Variants in ZNF527 observed in about 807,000 individuals in gnomAD.
The protein encoded by ZNF527 is zinc finger protein 527.
In ZNF527, 5 loss-of-function variants were observed where a neutral mutation model predicts 13.5. That is an observed-to-expected ratio of 0.37 (90% confidence interval 0.19 to 0.78). The LOEUF (loss-of-function observed/expected upper bound fraction) is 0.78. Among genes scored for constraint, ZNF527 ranks in the 30% least tolerant of loss-of-function variants. The pLI is 0.48. For missense variants in ZNF527, 628 were observed against 726.4 expected (o/e 0.86, Z 1.56); for synonymous variants, 209 against 243.1 (o/e 0.86, Z 1.30).
chr19:37,383,531 C>A (rs987146750), intron 4 of ZNF527, among the ~76,000 whole-genome samples: 1 of 150,876 alleles, frequency 6.6e-6, no homozygotes, highest in South Asian at 2.1e-4. Context: ...AGCTACCACA[C>A]CCAGCTGATT....
intron 1 of ZNF527, among the ~76,000 whole-genome samples, chr19:37,373,382 C>A (rs1462029736): frequency 2.0e-5 from 3 of 152,200 alleles, no homozygotes; most frequent in African/African-American, 7.2e-5. Context: ...TTGCCCAACA[C>A]AGCATGAGTT....
intron 3 of ZNF527, chr19:37,380,069 G>T (rs1161165112): frequency 1.1e-6 from 1 of 942,564 alleles, no homozygotes; most frequent in East Asian, 3.3e-5. Flanking sequence ...AGCTGCTGTA[G>T]CACTTTGAGA....
rs376359532 is a variant in ZNF527, at chr19:37,389,787, A to G, written c.1738A>G (p.Lys580Glu). The G allele has an allele frequency of 8.2e-5, 133 of 1,613,402 alleles. No homozygotes were observed. Among genetic ancestry groups the G allele is most frequent in the Non-Finnish European group, 1.1e-4 (126 of 1,180,020 alleles). Residue 580 changes from lysine to glutamate, a missense_variant, in exon 5 of 5, where the codon AAA (lysine) becomes GAA (glutamate). Physicochemically the swap from Lys to Glu is moderately conservative, Grantham distance 56. This residue lies in a region of ZNF527 where 592 missense variants were observed against 678.0 expected (regional missense o/e 0.87). Transcript: ENST00000436120. The part of the protein sequence containing the change: ...RLHQRIHAGE[K>E]PYKCNECGNN... ...ACACCAGAGAATTCACGCTGGAGAA[A>G]AACCTTATAAATGTAACGAATGTGG...
intron 1 of ZNF527, among the ~76,000 whole-genome samples, chr19:37,371,487 G>A (rs762079299): frequency 2.6e-5 from 4 of 152,202 alleles, no homozygotes; most frequent in Non-Finnish European, 5.9e-5. Flanking sequence ...ATGTGTGTTT[G>A]TGTGTGACTG....
At chr19:37,386,522 T>C (rs1459425625) in intron 4 of ZNF527, among the ~76,000 whole-genome samples, 1 of 152,214 alleles carries the variant, frequency 6.6e-6, no homozygotes, top group African/African-American at 2.4e-5. Context: ...CATTTAGCTT[T>C]GAGTGCATAA....
At chr19:37,375,246 CTTTCTTT>C (rs2040589800) in intron 2 of ZNF527, among the ~76,000 whole-genome samples, 1 of 44,960 alleles carries the variant, frequency 2.2e-5, no homozygotes, top group African/African-American at 1.1e-4. Flanking sequence ...AGTGTATTTT[CTTTCTTT>C]CTTTCTTTCT....
At chr19:37,382,342 C>T (rs1194468092) in intron 4 of ZNF527, among the ~76,000 whole-genome samples, 1 of 152,022 alleles carries the variant, frequency 6.6e-6, no homozygotes, top group Non-Finnish European at 1.5e-5. Flanking sequence ...TTTACACACA[C>T]ACCCCTATAT....
At chr19:37,380,133 C>T in intron 3 of ZNF527, 144 bp from the exon 4 acceptor site, 2 of 1,406,824 alleles carry the variant, frequency 1.4e-6, no homozygotes, top group Non-Finnish European at 1.9e-6. Context: ...AAGCGTCATT[C>T]CATTCTCTAG....
intron 2 of ZNF527, among the ~76,000 whole-genome samples, chr19:37,375,306 C>G (rs992453765): frequency 9.9e-5 from 10 of 100,664 alleles, no homozygotes; most frequent in African/African-American, 3.5e-4. Flanking sequence ...TTCTTTCTTT[C>G]TTTCTTTTCT....
rs974071780 is a variant in ZNF527 at position 37,391,658 on chromosome 19, A to T, written c.*1779A>T. ...ATGGATAACTTCTTTGCAGCTAGAG[A>T]TATCAAACAAAGATATTGCTGGCAG... On this transcript the variant is annotated 3_prime_UTR_variant, in exon 5 of 5. Coordinates refer to ENST00000436120, the MANE Select transcript of ZNF527 (RefSeq NM_032453.2). 4 of 152,158 alleles carry T rather than the reference A, an allele frequency of 2.6e-5. No individual in the cohort carries two copies. Among genetic ancestry groups the T allele is most frequent in the African/African-American group, 9.6e-5 (4 of 41,452 alleles). The allele number at this position is 152,158 out of a possible 1,614,324, so 9.4% of individuals were successfully genotyped here. A position where few individuals can be genotyped will look rare whatever the true frequency, so the allele number is the denominator to read the frequency against.
At position 37,375,303 on chromosome 19, in the gene ZNF527, TTTCTTTCTTTTC is replaced by T. The variant is rs1221627589; in HGVS notation, c.33+1075_33+1086del. Among the ~76,000 whole-genome samples, 759 of 104,384 alleles carry T rather than the reference TTTCTTTCTTTTC, an allele frequency of 7.3e-3. 4 individuals are homozygous for T. The highest frequency in any genetic ancestry group is 0.012 in the African/African-American group (248 of 20,952). The allele number at this position is 104,384 out of a possible 152,430, so 68.5% of individuals were successfully genotyped here. ...CTTTCTTTCTTTCTTTCTTTCTTTC[TTTCTTTCTTTTC>T]TTTCTTTCTTTCTTTCTTTCTTTCC... On this transcript the variant is annotated intron_variant, in intron 2 of 4. Transcript: ENST00000436120.
At chr19:37,373,509 C>T (rs796166762) in intron 1 of ZNF527, among the ~76,000 whole-genome samples, 8 of 152,134 alleles carry the variant, frequency 5.3e-5, no homozygotes, top group African/African-American at 1.9e-4. Flanking sequence ...ACCTGTGAAC[C>T]AAACAAAACC....
intron 2 of ZNF527, among the ~76,000 whole-genome samples, chr19:37,375,303 TTTCTTTCTTTTCTTTCTTTC>T (rs2040594724): frequency 9.6e-6 from 1 of 104,556 alleles, no homozygotes; most frequent in East Asian, 2.7e-4. Flanking sequence ...TCTTTCTTTC[TTTCTTTCTTTTCTTTCTTTC>T]TTTCTTTCTT....
rs1319703874 is a variant in ZNF527, at chr19:37,389,924, C to A, written c.*45C>A. The A allele has an allele frequency of 1.3e-6, 2 of 1,516,786 alleles. No homozygotes were observed. The highest frequency in any genetic ancestry group is 1.8e-4 in the Middle Eastern group (1 of 5,450). The allele number at this position is 1,516,786 out of a possible 1,614,324, so 94.0% of individuals were successfully genotyped here. Reference sequence around the variant, plus strand: ...GAAAACATGTGGTTACCACTCAATCCTTATTAAATATTAGTGAGTTCTTTT... The same window carrying A: ...GAAAACATGTGGTTACCACTCAATCATTATTAAATATTAGTGAGTTCTTTT... On this transcript the variant is annotated 3_prime_UTR_variant, in exon 5 of 5. Transcript: ENST00000436120.
chr19:37,389,694 A>G lies in ZNF527; in HGVS notation c.1645A>G (p.Thr549Ala). The G allele has an allele frequency of 6.2e-7, 1 of 1,614,068 alleles. No homozygotes were observed. Among genetic ancestry groups the G allele is most frequent in the Non-Finnish European group, 8.5e-7 (1 of 1,180,012 alleles). The change falls in exon 5 of 5, where the codon ACT (threonine) becomes GCT (alanine). Residue 549 changes from threonine (T) to alanine (A), a missense_variant. Thr to Ala is a moderately conservative substitution (Grantham distance 58, BLOSUM62 0). Around this residue, in one of 3 missense-constraint regions of ZNF527, gnomAD observed 592 missense variants for 678.0 expected, o/e 0.87. Transcript: ENST00000436120. ...SYLNQHQRIH[T>A]GEKPYECSEC... Reference sequence around the variant, plus strand: ...TCTTAATCAACATCAAAGAATTCATACTGGAGAGAAACCCTATGAATGTAG... The same window carrying G: ...TCTTAATCAACATCAAAGAATTCATGCTGGAGAGAAACCCTATGAATGTAG...
intron 1 of ZNF527, 44 bp from the exon 2 acceptor site, chr19:37,374,114 A>C: frequency 7.3e-7 from 1 of 1,375,508 alleles, no homozygotes; most frequent in East Asian, 2.3e-5. Flanking sequence ...CCAAAAACAC[A>C]GGGCTGGCAC....
intron 2 of ZNF527, among the ~76,000 whole-genome samples, chr19:37,376,062 T>C (rs2040605170): frequency 6.6e-6 from 1 of 152,186 alleles, no homozygotes; most frequent in Admixed American, 6.5e-5. Context: ...GTGCGGTGGC[T>C]TATGGCTGTA....
At chr19:37,383,295 G>A (rs1600268683) in intron 4 of ZNF527, among the ~76,000 whole-genome samples, 1 of 152,186 alleles carries the variant, frequency 6.6e-6, no homozygotes, top group East Asian at 1.9e-4. Flanking sequence ...GAGTGCAATG[G>A]CACGATCTTG....
chr19:37,372,180 A>G (rs986382753), intron 1 of ZNF527, among the ~76,000 whole-genome samples: 1 of 151,242 alleles, frequency 6.6e-6, no homozygotes, highest in African/African-American at 2.4e-5. Context: ...TTGTATTTTT[A>G]GTAGAGACGA....
Sources: gnomAD v4.1 joint callset for allele counts (sites outside exome capture counted in the v4.1 genomes callset) on GRCh38, gnomAD v4.1.1 for gene constraint, gnomAD v4.1.1 regional missense constraint, MANE v1.5 for transcripts, NCBI Gene and HGNC (gene_info 2026-07-23, HGNC 2026-07-21) for gene names.